Variants in FDFT1 observed in about 807,000 individuals in gnomAD.
FDFT1 encodes the protein squalene synthase.
A neutral mutation model predicts 46.8 loss-of-function variants in FDFT1; 68 were observed. That is an observed-to-expected ratio of 1.45 (90% CI 1.19 to 1.78). The LOEUF (loss-of-function observed/expected upper bound fraction) is 1.78, where lower values mean the gene tolerates loss of function less well. FDFT1 is among the 40% of genes most tolerant of loss of function. The pLI, the probability that FDFT1 is intolerant of heterozygous loss-of-function variation, is 0.00. For missense variants in FDFT1, 928 were observed against 524.4 expected, an observed-to-expected ratio of 1.77 and a Z score of -7.52; for synonymous variants, 351 against 185.1, an observed-to-expected ratio of 1.90 and a Z score of -7.28.
chr8:11,811,572 T>C (rs1563306678), intron 3 of FDFT1, among the ~76,000 whole-genome samples: 1 of 152,234 alleles, frequency 6.6e-6, no homozygotes, highest in Admixed American at 6.5e-5. Context: ...TTTGTGAAAC[T>C]TCAGTGTCTT....
In FDFT1 at chr8:11,808,856, C is replaced by G. The variant is rs1206803086; in HGVS notation, c.162C>G (p.Phe54Leu). 4 of 1,613,932 alleles carry G rather than the reference C, an allele frequency of 2.5e-6. No individual in the cohort carries two copies. Among genetic ancestry groups the G allele is most frequent in the Admixed American group, 1.7e-5 (1 of 60,000 alleles). ...YKYLNQTSRSFAAVIQALDGE... is the reference protein window; with the variant it reads ...YKYLNQTSRSLAAVIQALDGE... ...ATCTCAATCAGACCAGTCGCAGTTT[C>G]GCAGCTGTTATCCAGGCGCTGGATG... The change falls in exon 2 of 8, where the codon TTC becomes TTG. Residue 54 changes from phenylalanine to leucine, a missense_variant. Physicochemically the swap from Phe to Leu is conservative, Grantham distance 22. Coordinates refer to ENST00000220584, the MANE Select transcript of FDFT1 (RefSeq NM_004462.5).
chr8:11,806,367 T>C (rs1585864396), intron 1 of FDFT1, among the ~76,000 whole-genome samples: 1 of 152,310 alleles, frequency 6.6e-6, no homozygotes, highest in East Asian at 1.9e-4. Flanking sequence ...TTCCATAGTA[T>C]GCTTACTAGT....
At chr8:11,797,051 G>C (rs1371297681) in intron 1 of FDFT1, among the ~76,000 whole-genome samples, 1 of 152,234 alleles carries the variant, frequency 6.6e-6, no homozygotes, top group Admixed American at 6.5e-5. Flanking sequence ...GTAACTTCTG[G>C]GTTGTTGGGT....
At chr8:11,815,203 C>G (rs2130771584) in intron 3 of FDFT1, among the ~76,000 whole-genome samples, 1 of 152,156 alleles carries the variant, frequency 6.6e-6, no homozygotes, top group East Asian at 1.9e-4. Flanking sequence ...TGAACTCATC[C>G]TTTTTTTATG....
intron 4 of FDFT1, among the ~76,000 whole-genome samples, chr8:11,825,697 TA>T (rs1348210293): frequency 2.9e-5 from 4 of 140,210 alleles, no homozygotes; most frequent in Non-Finnish European, 6.2e-5. Context: ...AAAAAAAAAA[TA>T]AAAAATAAAA....
chr8:11,814,165 T>C (rs183697093), intron 3 of FDFT1, among the ~76,000 whole-genome samples: 7 of 152,310 alleles, frequency 4.6e-5, no homozygotes. Flanking sequence ...GATTCAGGGA[T>C]TCTAATAACC....
intron 6 of FDFT1, among the ~76,000 whole-genome samples, chr8:11,830,826 C>T (rs74487295): frequency 0.014 from 2,082 of 152,302 alleles, 65 homozygotes; most frequent in African/African-American, 0.048. Flanking sequence ...TAAAAAGAAC[C>T]TGGTCCGGTA....
chr8:11,802,621 C>A, upstream of FDFT1: 3 of 592,664 alleles, frequency 5.1e-6, no homozygotes, highest in South Asian at 1.9e-5. Context: ...AATCAGCGCC[C>A]GTCAGCCCAC....
rs777980192 is a variant in FDFT1 at position 11,814,999 on chromosome 8, G to C, written c.381+5149G>C. On this transcript the variant is annotated intron_variant, in intron 3 of 7. Transcript: ENST00000220584. ...TCGTCATTTACATTAGGTATTTCTC[G>C]TAATGCTATCCCTCCCTTGGCCCCC... Among the ~76,000 whole-genome samples the C allele has an allele frequency of 2.0e-5, 3 of 151,960 alleles. 1 individual carries two copies. In the South Asian group the frequency reaches 6.2e-4, roughly 32 times the overall value.
intron 7 of FDFT1, among the ~76,000 whole-genome samples, chr8:11,833,571 A>T (rs1213923789): frequency 6.6e-6 from 1 of 152,194 alleles, no homozygotes; most frequent in Non-Finnish European, 1.5e-5. Flanking sequence ...GTTTTTCCTT[A>T]ACTATTGGGA....
Position 11,802,807 on chromosome 8 carries a change from C to T in FDFT1, c.-26C>T. On this transcript the variant is annotated 5_prime_UTR_variant, in exon 1 of 8. Transcript: ENST00000220584. Reference sequence around the variant, plus strand: ...GGGGACCGCAGAGGTGAGAGTCGCGCCCGGGAGTCCGCCGCCTGCGCCAGG... The same window carrying T: ...GGGGACCGCAGAGGTGAGAGTCGCGTCCGGGAGTCCGCCGCCTGCGCCAGG... 1 of 1,581,338 alleles carries T rather than the reference C, an allele frequency of 6.3e-7. No individual in the cohort carries two copies. The highest frequency in any genetic ancestry group is 8.6e-7 in the Non-Finnish European group (1 of 1,158,370).
At position 11,835,038 on chromosome 8, in the gene FDFT1, C is replaced by T. The variant is rs376561702; in HGVS notation, c.1033-3350C>T. On this transcript the variant is annotated intron_variant, in intron 7 of 7. Transcript: ENST00000220584. ...ATTCCGGAGCCTGAGACATGAGCAT[C>T]GCTTGAACTCGGGAGGTGGAGGTTG... 2.2e-4 allele frequency among the ~76,000 whole-genome samples: 33 copies of T among 152,162 alleles called. No individual in the cohort carries two copies. The East Asian group carries it at 4.0e-3, about 19-fold the overall frequency.
chr8:11,797,242 T>C (rs1424021579), upstream of FDFT1, among the ~76,000 whole-genome samples: 1 of 152,156 alleles, frequency 6.6e-6, no homozygotes, highest in African/African-American at 2.4e-5. Flanking sequence ...TTCTATCTCA[T>C]TTTGAGTTCC....
intron 7 of FDFT1, among the ~76,000 whole-genome samples, chr8:11,836,008 T>C (rs1162536438): frequency 1.8e-5 from 2 of 111,846 alleles, no homozygotes; most frequent in African/African-American, 6.0e-5. Flanking sequence ...CAAAAGTTAG[T>C]TGGGCATGGT....
rs763956280 is a variant in FDFT1 at position 11,808,793 on chromosome 8, G to A, written c.100-1G>A. 1 of 1,613,192 alleles carries A rather than the reference G, an allele frequency of 6.2e-7. No individual in the cohort carries two copies. On this transcript the variant is annotated splice_acceptor_variant, in intron 1 of 7. Coordinates refer to ENST00000220584, the MANE Select transcript of FDFT1 (RefSeq NM_004462.5). LOFTEE classifies it high-confidence loss of function. The stretch of plus-strand genomic sequence containing the variant: ...CCGCCGTGTGTGTTGTCTGCCCGCA[G>A]GACTCGCTCAGCAGCAGCCTGAAAA...
intron 3 of FDFT1, among the ~76,000 whole-genome samples, chr8:11,810,155 C>T (rs987314156): frequency 6.6e-6 from 1 of 152,132 alleles, no homozygotes; most frequent in South Asian, 2.1e-4. Flanking sequence ...AAAGAATTAA[C>T]GTAGGTAATG....
chr8:11,836,357 A>T (rs1158637812), intron 7 of FDFT1, among the ~76,000 whole-genome samples: 1 of 152,232 alleles, frequency 6.6e-6, no homozygotes, highest in Admixed American at 6.5e-5. Flanking sequence ...GTTTCCAAGT[A>T]GGGCTGGACC....
chr8:11,807,256 G>C (rs1806977556), intron 1 of FDFT1, among the ~76,000 whole-genome samples: 1 of 152,166 alleles, frequency 6.6e-6, no homozygotes, highest in African/African-American at 2.4e-5. Context: ...TCCCACCTCA[G>C]CCTCCTGAGT....
At chr8:11,814,417 G>A (rs1472004643) in intron 3 of FDFT1, among the ~76,000 whole-genome samples, 3 of 150,320 alleles carry the variant, frequency 2.0e-5, no homozygotes, top group African/African-American at 4.9e-5. Context: ...GTTTTCCTCT[G>A]GGCTCTTAAT....
Sources: gnomAD v4.1 joint callset for allele counts (sites outside exome capture counted in the v4.1 genomes callset) on GRCh38, gnomAD v4.1.1 for gene constraint, MANE v1.5 for transcripts, NCBI Gene and HGNC (gene_info 2026-07-23, HGNC 2026-07-21) for gene names.